MEIOB: variants seen among roughly 807,000 people sequenced by gnomAD.
MEIOB encodes the protein meiosis specific with OB-fold.
Under a neutral mutation model 53.1 loss-of-function variants are expected in MEIOB, and 50 were observed. The observed-to-expected ratio is 0.94, with a 90% CI of 0.75 to 1.19. MEIOB has a LOEUF of 1.19. MEIOB is among the 50% of genes most tolerant of loss of function. The pLI, the probability that MEIOB is intolerant of heterozygous loss-of-function variation, is 0.00. For synonymous variants in MEIOB, 192 were observed against 182.5 expected (o/e 1.05, Z -0.42); for missense variants, 551 against 550.8 (o/e 1.00, Z 0.00).
chr16:1,834,678 A>G (rs1898691542), intron 13 of MEIOB, among the ~76,000 whole-genome samples: 1 of 152,372 alleles, frequency 6.6e-6, no homozygotes. Flanking sequence ...CACGCCTGTA[A>G]TCCCAGCACT....
At position 1,853,239 on chromosome 16, in the gene MEIOB, C is replaced by T. The variant is rs1596975494; in HGVS notation, c.662G>A (p.Ser221Asn). Residue 221 changes from serine (S) to asparagine (N), a missense_variant, in exon 8 of 14, where the codon AGC becomes AAC. Ser to Asn is a conservative substitution (Grantham distance 46, BLOSUM62 1). Coordinates refer to ENST00000325962, the MANE Select transcript of MEIOB (RefSeq NM_001163560.3). The part of the protein sequence containing the change: ...WDNESILLAQ[S>N]WMPRETVIFA... ...AATACCTGTTTCTCGTGGCATCCAG[C>T]TCTGTGCAAGTAGAATGGATTCATT... 6.4e-7 allele frequency: 1 copy of T among 1,551,906 alleles called. No homozygotes were observed. The highest frequency in any genetic ancestry group is 2.4e-5 in the East Asian group (1 of 40,928).
chr16:1,848,543 C>CT lies in MEIOB; in HGVS notation c.779-3581_779-3580insA, dbSNP rs1491207918. Among the ~76,000 whole-genome samples the CT allele has an allele frequency of 4.1e-4, 56 of 135,324 alleles. 1 individual carries two copies. Among genetic ancestry groups the CT allele is most frequent in the Admixed American group, 1.2e-3 (16 of 13,216 alleles). 88.8% of individuals were successfully genotyped at this position (135,324 alleles called of 152,430 possible). The stretch of plus-strand genomic sequence containing the variant: ...TATCCCTTCTCCTTTTTTTTTTTTT[C>CT]CTTTTTTTTTTTTTTTGGAGACAGA... On this transcript the variant is annotated intron_variant, in intron 9 of 13. Coordinates refer to ENST00000325962, the MANE Select transcript of MEIOB (RefSeq NM_001163560.3).
chr16:1,861,960 A>T, intron 4 of MEIOB, 25 bp downstream of exon 4: 1 of 1,545,488 alleles, frequency 6.5e-7, no homozygotes. Context: ...TGATGGAAAA[A>T]GTTTAAGAAT....
intron 10 of MEIOB, among the ~76,000 whole-genome samples, chr16:1,843,864 A>G (rs1417772244): frequency 6.6e-6 from 1 of 152,166 alleles, no homozygotes; most frequent in Non-Finnish European, 1.5e-5. Flanking sequence ...TCTTCCAGGA[A>G]CTAATATTAC....
At chr16:1,860,860 C>T (rs997689452) in intron 4 of MEIOB, among the ~76,000 whole-genome samples, 3 of 151,964 alleles carry the variant, frequency 2.0e-5, no homozygotes, top group East Asian at 1.9e-4. Context: ...TCTAAATAAC[C>T]GGTATGGGGA....
At chr16:1,848,560 G>A (rs1171132313) in intron 9 of MEIOB, among the ~76,000 whole-genome samples, 9 of 37,018 alleles carry the variant, frequency 2.4e-4, no homozygotes, top group Non-Finnish European at 4.2e-4. Context: ...TTTTTTTTTT[G>A]GAGACAGAGT....
At position 1,853,208 on chromosome 16, in the gene MEIOB, A is replaced by G. The variant is rs975264511; in HGVS notation, c.682+11T>C. ...TGACAAATATTGGACACAATCATTG[A>G]ATGATAATACCTGTTTCTCGTGGCA... On this transcript the variant is annotated intron_variant, in intron 8 of 13. Transcript: ENST00000325962. The G allele has an allele frequency of 1.9e-6, 3 of 1,555,454 alleles. No homozygotes were observed. Among genetic ancestry groups the G allele is most frequent in the African/African-American group, 2.7e-5 (2 of 73,376 alleles).
intron 9 of MEIOB, among the ~76,000 whole-genome samples, chr16:1,850,490 C>T (rs1010711877): frequency 1.3e-5 from 2 of 151,868 alleles, no homozygotes; most frequent in East Asian, 1.9e-4. Flanking sequence ...ACAGGAGAAT[C>T]GCTTGAACCC....
chr16:1,841,807 C>G lies in MEIOB; in HGVS notation c.1034+13G>C, dbSNP rs1047398836. 1.3e-6 allele frequency: 2 copies of G among 1,517,192 alleles called. No homozygotes were observed. The allele number at this position is 1,517,192 out of a possible 1,614,324, so 94.0% of individuals were successfully genotyped here. Reference sequence around the variant, plus strand: ...ACAAAAATGAATTTGCTAAAAGTGACACGGATCCTTACCATCTATTTCGAA... The same window carrying G: ...ACAAAAATGAATTTGCTAAAAGTGAGACGGATCCTTACCATCTATTTCGAA... On this transcript the variant is annotated intron_variant, in intron 11 of 13. Coordinates refer to ENST00000325962, the MANE Select transcript of MEIOB (RefSeq NM_001163560.3).
Position 1,842,813 on chromosome 16 carries a change from G to A in MEIOB, c.881-840C>T, listed in dbSNP as rs1311821628. ...CGAGTAGCTGGCACTACGGGCGCCC[G>A]CCACCACGGCTAATTTTTTTTTGTA... On this transcript the variant is annotated intron_variant, in intron 10 of 13. Transcript: ENST00000325962. Among the ~76,000 whole-genome samples the A allele has an allele frequency of 2.2e-4, 33 of 150,292 alleles. No homozygotes were observed. In the Middle Eastern group the frequency reaches 0.021, roughly 94 times the overall value.
Position 1,862,052 on chromosome 16 carries a change from A to G in MEIOB, c.192T>C (p.Asn64=). Residue 64 remains asparagine (N), a synonymous_variant, in exon 4 of 14, where the codon AAT becomes AAC. Coordinates refer to ENST00000325962, the MANE Select transcript of MEIOB (RefSeq NM_001163560.3). ...TIRDSPAHFV[N]AASWGNEDYI... is the part of the protein sequence containing the mutation. ...AATCTTCATTGCCCCAGGAAGCTGCATTTACAAAATGTGCTGGTGAATCCC... is the reference window on the plus strand; with the variant it reads ...AATCTTCATTGCCCCAGGAAGCTGCGTTTACAAAATGTGCTGGTGAATCCC... 1.9e-6 allele frequency: 3 copies of G among 1,551,440 alleles called. No homozygotes were observed. Among genetic ancestry groups the G allele is most frequent in the South Asian group, 1.2e-5 (1 of 84,064 alleles).
At chr16:1,848,981 C>G (rs926670984) in intron 9 of MEIOB, among the ~76,000 whole-genome samples, 9 of 151,084 alleles carry the variant, frequency 6.0e-5, no homozygotes, top group African/African-American at 2.2e-4. Flanking sequence ...ATCAGATAGG[C>G]AAAAGGTATA....
At chr16:1,857,232 T>A (rs1899331059) in intron 6 of MEIOB, among the ~76,000 whole-genome samples, 1 of 152,078 alleles carries the variant, frequency 6.6e-6, no homozygotes, top group South Asian at 2.1e-4. Context: ...CGGAGGGCCA[T>A]CCTCCCGTGC....
chr16:1,839,162 C>A, intron 12 of MEIOB, 93 bp downstream of exon 12: 1 of 1,391,602 alleles, frequency 7.2e-7, no homozygotes, highest in Non-Finnish European at 9.5e-7. Context: ...GAATCAATTT[C>A]TATCAAATGT....
intron 5 of MEIOB, among the ~76,000 whole-genome samples, chr16:1,859,970 T>A (rs7191695): frequency 6.6e-6 from 1 of 152,104 alleles, no homozygotes; most frequent in Admixed American, 6.5e-5. Flanking sequence ...TCCTGGTCTA[T>A]CCTCGCAGGG....
chr16:1,849,537 C>T, intron 9 of MEIOB, among the ~76,000 whole-genome samples: 1 of 6,108 alleles, frequency 1.6e-4, no homozygotes, highest in Admixed American at 1.5e-3. Context: ...CAGAGTGAGA[C>T]TCCGTCTCAA....
rs370110841 is a variant in MEIOB at position 1,839,527 on chromosome 16, T to C, written c.1035-89A>G. On this transcript the variant is annotated intron_variant, in intron 11 of 13. Transcript: ENST00000325962. Reference sequence around the variant, plus strand: ...GAAAAAGAATTGTCACTAAAAACTCTACGACAGTGTGTGGAAAACTTACTG... The same window carrying C: ...GAAAAAGAATTGTCACTAAAAACTCCACGACAGTGTGTGGAAAACTTACTG... 1.5e-5 allele frequency: 18 copies of C among 1,225,810 alleles called. No homozygotes were observed. The African/African-American group carries it at 2.3e-4, about 16-fold the overall frequency. The allele number at this position is 1,225,810 out of a possible 1,614,324, so 75.9% of individuals were successfully genotyped here.
At chr16:1,853,404 T>C (rs2142089369) in intron 7 of MEIOB, 133 bp from the exon 8 acceptor site, 1 of 671,612 alleles carries the variant, frequency 1.5e-6, no homozygotes, top group Non-Finnish European at 2.6e-6. Flanking sequence ...AAAGACCTCC[T>C]AGTCTTAAGC....
At chr16:1,840,512 C>T (rs551517116) in intron 11 of MEIOB, among the ~76,000 whole-genome samples, 5 of 150,486 alleles carry the variant, frequency 3.3e-5, no homozygotes, top group East Asian at 1.9e-4. Context: ...CTGGGGGAAA[C>T]GGGGCAAAAG....
Sources: gnomAD v4.1 joint callset for allele counts (sites outside exome capture counted in the v4.1 genomes callset) on GRCh38, gnomAD v4.1.1 for gene constraint, MANE v1.5 for transcripts, NCBI Gene and HGNC (gene_info 2026-07-23, HGNC 2026-07-21) for gene names.